Variants in IVNS1ABP observed in about 807,000 individuals in gnomAD.
The protein encoded by IVNS1ABP is influenza virus NS1A binding protein.
A neutral mutation model predicts 78.9 loss-of-function variants in IVNS1ABP; 25 were observed. The ratio of observed to expected loss-of-function variants is 0.32; its 90% CI spans 0.23 to 0.44. The LOEUF is 0.44. Ranked by LOEUF, IVNS1ABP falls within the 20% of genes least tolerant of loss-of-function variation. The pLI is 1.00. For missense variants in IVNS1ABP, 494 were observed against 768.9 expected (o/e 0.64, Z 4.23); for synonymous variants, 241 against 259.7 (o/e 0.93, Z 0.69).
chr1:185,298,227 A>G lies in IVNS1ABP; in HGVS notation c.1737T>C (p.Tyr579=). The change falls in exon 15 of 15, where the codon TAT becomes TAC. Residue 579 remains tyrosine (Y), a synonymous_variant. Transcript: ENST00000367498. The surrounding 1 kb of genome is among the most constrained non-coding windows in gnomAD (Gnocchi z 4.1). ...GSHAISCVEM[Y]DPTRNEWKMM... is the part of the protein sequence containing the mutation. ...TCTTCCATTCATTTCTAGTTGGATC[A>G]TACATTTCCACACAACTGATGGCAT... 6.2e-7 allele frequency: 1 copy of G among 1,613,692 alleles called. No homozygotes were observed. Among genetic ancestry groups the G allele is most frequent in the South Asian group, 1.1e-5 (1 of 91,082 alleles).
In IVNS1ABP at chr1:185,311,291, G is replaced by A. The variant is rs1052247066; in HGVS notation, c.-215C>T. 2.0e-5 allele frequency: 8 copies of A among 397,872 alleles called. 1 individual carries two copies. In the South Asian group the frequency reaches 5.1e-4, roughly 25 times the overall value. The allele number at this position is 397,872 out of a possible 1,614,324, so 24.6% of individuals were successfully genotyped here. A position where few individuals can be genotyped will look rare whatever the true frequency, so the allele number is the denominator to read the frequency against. ...TCAAGTCCTTAAAAGCTATAGACAC[G>A]AATTTCTTCTGTGATAATGATGCAT... On this transcript the variant is annotated 5_prime_UTR_variant, in exon 2 of 15. Coordinates refer to ENST00000367498, the MANE Select transcript of IVNS1ABP (RefSeq NM_006469.5).
At chr1:185,315,894 C>G (rs1402130512) in intron 1 of IVNS1ABP, among the ~76,000 whole-genome samples, 2 of 152,144 alleles carry the variant, frequency 1.3e-5, no homozygotes, top group Admixed American at 6.5e-5. Context: ...CCAAGGTGTT[C>G]TAACGCTCCA....
intron 8 of IVNS1ABP, among the ~76,000 whole-genome samples, chr1:185,301,960 G>A (rs1244968091): frequency 1.3e-5 from 2 of 152,068 alleles, no homozygotes; most frequent in Non-Finnish European, 2.9e-5. Context: ...CTATTTTCAT[G>A]AAATTGTCAA....
chr1:185,312,224 G>A (rs1665907482), intron 1 of IVNS1ABP, among the ~76,000 whole-genome samples: 1 of 152,070 alleles, frequency 6.6e-6, no homozygotes, highest in Admixed American at 6.6e-5. Context: ...TAATCTTCAA[G>A]GTAATCAGTC....
rs144585489 is a variant in IVNS1ABP at position 185,314,219 on chromosome 1, T to C, written c.-247+2734A>G. Among the ~76,000 whole-genome samples, 220 of 152,330 alleles carry C rather than the reference T, an allele frequency of 1.4e-3. 1 individual carries two copies. The highest frequency in any genetic ancestry group is 5.2e-3 in the African/African-American group (218 of 41,590). ...CCTCTAAAACCACCATCACCATCCATGTATATGAAAACTCGCTGAACTCAT... is the reference window on the plus strand; with the variant it reads ...CCTCTAAAACCACCATCACCATCCACGTATATGAAAACTCGCTGAACTCAT... On this transcript the variant is annotated intron_variant, in intron 1 of 14. Coordinates refer to ENST00000367498, the MANE Select transcript of IVNS1ABP (RefSeq NM_006469.5).
chr1:185,313,375 A>G (rs1440834350), intron 1 of IVNS1ABP, among the ~76,000 whole-genome samples: 1 of 152,206 alleles, frequency 6.6e-6, no homozygotes. Flanking sequence ...ATCAGAGTAC[A>G]AAGCTACTTG....
chr1:185,297,726 T>C lies in IVNS1ABP; in HGVS notation c.*309A>G, dbSNP rs752950618. 5.5e-6 allele frequency: 2 copies of C among 363,656 alleles called. No individual in the cohort carries two copies. The highest frequency in any genetic ancestry group is 1.0e-5 in the Non-Finnish European group (2 of 200,004). 22.5% of individuals were successfully genotyped at this position (363,656 alleles called of 1,614,324 possible). ...AGGGAAGAGTCATTTAATGTGCAAA[T>C]TGGCAAAACAAATGTGGAGGAGAGG... On this transcript the variant is annotated 3_prime_UTR_variant, in exon 15 of 15. Transcript: ENST00000367498.
chr1:185,307,585 TC>T lies in IVNS1ABP; in HGVS notation c.434del (p.Gly145GlufsTer6). The T allele has an allele frequency of 6.2e-7, 1 of 1,613,614 alleles. No individual in the cohort carries two copies. Among genetic ancestry groups the T allele is most frequent in the Non-Finnish European group, 8.5e-7 (1 of 1,179,632 alleles). On this transcript the variant is annotated frameshift_variant, in exon 6 of 15. Transcript: ENST00000367498. LOFTEE classifies it high-confidence loss of function. ...CAACCTTATTCAACAAACGGGAGTC[TC>T]CCATACAACTTGCAAAATTTCGGTA... Reference protein sequence around the residue: ...ISYRNFASCMGDSRLLNKVDA... With the variant: ...ISYRNFASCMXDSRLLNKVDA...
At chr1:185,316,556 T>C (rs1666036702) in intron 1 of IVNS1ABP, among the ~76,000 whole-genome samples, 1 of 151,484 alleles carries the variant, frequency 6.6e-6, no homozygotes, top group Non-Finnish European at 1.5e-5. Flanking sequence ...GAACGGGGAG[T>C]CCCGCGCCCT....
At chr1:185,306,541 A>C in intron 7 of IVNS1ABP, 1 of 1,288,336 alleles carries the variant, frequency 7.8e-7, no homozygotes, top group Non-Finnish European at 1.0e-6. Flanking sequence ...GAACTGGGGC[A>C]GGACTGCTGC....
At chr1:185,307,411 C>T in intron 6 of IVNS1ABP, 78 bp downstream of exon 6, 3 of 1,101,680 alleles carry the variant, frequency 2.7e-6, no homozygotes, top group Non-Finnish European at 4.0e-6. Flanking sequence ...AATCATTACT[C>T]ACTTGCTTGA....
At position 185,298,443 on chromosome 1, in the gene IVNS1ABP, A is replaced by G. The variant is rs1002398838; in HGVS notation, c.1676-155T>C. On this transcript the variant is annotated intron_variant, in intron 14 of 14. Coordinates refer to ENST00000367498, the MANE Select transcript of IVNS1ABP (RefSeq NM_006469.5). This position sits in a 1 kb window ranked among gnomAD's most constrained non-coding sequence, Gnocchi z 4.1. ...AATTTATTAAATGCCTAATATGACA[A>G]ATACTCTCTAAGAGCTGGGAATCAA... 31 of 675,232 alleles carry G rather than the reference A, an allele frequency of 4.6e-5. No homozygotes were observed. The highest frequency in any genetic ancestry group is 1.6e-4 in the East Asian group (6 of 36,438). 41.8% of individuals were successfully genotyped at this position (675,232 alleles called of 1,614,324 possible).
intron 1 of IVNS1ABP, among the ~76,000 whole-genome samples, chr1:185,312,927 G>C (rs1029573861): frequency 4.6e-5 from 7 of 152,132 alleles, no homozygotes; most frequent in Admixed American, 2.6e-4. Flanking sequence ...TTCATAAGCT[G>C]CTCTTAAAAT....
rs760372072 is a variant in IVNS1ABP at position 185,298,158 on chromosome 1, T to G, written c.1806A>C (p.Ala602=). 1.3e-5 allele frequency: 21 copies of G among 1,613,786 alleles called. No homozygotes were observed. Among genetic ancestry groups the G allele is most frequent in the Middle Eastern group, 1.6e-4 (1 of 6,078 alleles). ...CTGCATAAATGGTGTTCCCTACAGT[T>G]GCAATCCCAGCATTGCTCCTTGGTG... ...MTSPRSNAGI[A]TVGNTIYAVG... The change falls in exon 15 of 15, where the codon GCA becomes GCC. Residue 602 remains alanine, a synonymous_variant. Transcript: ENST00000367498. The surrounding 1 kb of genome is among the most constrained non-coding windows in gnomAD (Gnocchi z 4.1).
chr1:185,316,444 G>A (rs796812482), intron 1 of IVNS1ABP, among the ~76,000 whole-genome samples: 51 of 152,256 alleles, frequency 3.3e-4, no homozygotes, highest in African/African-American at 1.2e-3. Context: ...CCAGGCCCGG[G>A]GCTGGCTGCC....
chr1:185,313,604 T>C (rs892752530), intron 1 of IVNS1ABP, among the ~76,000 whole-genome samples: 2 of 152,140 alleles, frequency 1.3e-5, no homozygotes, highest in Non-Finnish European at 2.9e-5. Flanking sequence ...ACTCCCCAAA[T>C]TGACGGGAGA....
At chr1:185,301,397 T>G in intron 9 of IVNS1ABP, 37 bp downstream of exon 9, 1 of 1,608,378 alleles carries the variant, frequency 6.2e-7, no homozygotes, top group Non-Finnish European at 8.5e-7. Context: ...TAAAAATAGG[T>G]AAGCTGAAAA....
chr1:185,316,345 C>T (rs1666020961), intron 1 of IVNS1ABP, among the ~76,000 whole-genome samples: 1 of 152,152 alleles, frequency 6.6e-6, no homozygotes, highest in Admixed American at 6.5e-5. Context: ...CCCCCTTCTC[C>T]CCGCGCTTGG....
rs1460740417 is a variant in IVNS1ABP, at chr1:185,299,710, C to G, written c.1675G>C (p.Gly559Arg). 12 of 1,613,554 alleles carry G rather than the reference C, an allele frequency of 7.4e-6. No homozygotes were observed. The highest frequency in any genetic ancestry group is 8.5e-6 in the Non-Finnish European group (10 of 1,179,648). ...RRGAGVAVLN[G>R]KLFVCGGFDG... ...CACCTCTCCAAATCCCAACACTCAC[C>G]ATTAAGAACAGCCACTCCAGCTCCT... Residue 559 changes from glycine (G) to arginine (R), a missense_variant and splice_region_variant, in exon 14 of 15, where the codon GGA becomes CGA. Transcript: ENST00000367498.
Sources: allele counts gnomAD v4.1 joint callset (sites outside exome capture counted in the v4.1 genomes callset), GRCh38; gene constraint gnomAD v4.1.1; non-coding constraint Gnocchi (gnomAD v3.1); transcripts MANE v1.5; gene names NCBI Gene and HGNC (gene_info 2026-07-23, HGNC 2026-07-21).